Variants in RAD54B observed in about 807,000 individuals in gnomAD.
RAD54B encodes DNA repair and recombination protein RAD54B.
In RAD54B, 78 loss-of-function variants were observed where a neutral mutation model predicts 95.8. The ratio of observed to expected loss-of-function variants is 0.81; its 90% CI spans 0.68 to 0.98. RAD54B has a LOEUF of 0.98. RAD54B is among the 50% of genes least tolerant of loss of function. The probability of loss-of-function intolerance (pLI) is 0.00; values close to 1 mark genes in which losing one functional copy is unlikely to be tolerated. For missense variants in RAD54B, 957 were observed against 1,056.6 expected (o/e 0.91, Z 1.31); for synonymous variants, 328 against 354.9 (o/e 0.92, Z 0.85).
At chr8:94,373,351 G>T (rs947258696) in intron 14 of RAD54B, among the ~76,000 whole-genome samples, 6 of 152,110 alleles carry the variant, frequency 3.9e-5, no homozygotes, top group Non-Finnish European at 7.4e-5. Context: ...TTTCCTCCAG[G>T]GCACTTAGTC....
chr8:94,415,204 A>G (rs906199924), intron 3 of RAD54B, among the ~76,000 whole-genome samples: 11 of 151,786 alleles, frequency 7.2e-5, no homozygotes, highest in Non-Finnish European at 1.2e-4. Flanking sequence ...GCCCTCAGAA[A>G]TAACACCGCA....
chr8:94,423,102 G>A (rs181533609), intron 3 of RAD54B, among the ~76,000 whole-genome samples: 8 of 151,736 alleles, frequency 5.3e-5, no homozygotes, highest in Admixed American at 2.6e-4. Context: ...ACTTGTTACC[G>A]GCCGGGCACG....
At chr8:94,454,671 T>C (rs1381535783) in intron 3 of RAD54B, among the ~76,000 whole-genome samples, 1 of 152,184 alleles carries the variant, frequency 6.6e-6, no homozygotes, top group African/African-American at 2.4e-5. Flanking sequence ...TGGGAAACCT[T>C]CATTTGGCAA....
chr8:94,473,085 C>CA (rs1254766573), intron 1 of RAD54B, among the ~76,000 whole-genome samples: 1 of 152,120 alleles, frequency 6.6e-6, no homozygotes, highest in African/African-American at 2.4e-5. Flanking sequence ...CATTTCCCCC[C>CA]AAAAGACCAT....
intron 3 of RAD54B, among the ~76,000 whole-genome samples, chr8:94,433,861 T>C (rs1440458953): frequency 2.6e-5 from 4 of 151,736 alleles, no homozygotes; most frequent in African/African-American, 9.7e-5. Context: ...ACATGGATGA[T>C]TAAAATGCTG....
intron 3 of RAD54B, among the ~76,000 whole-genome samples, chr8:94,413,840 CTTTTTTTTTTTTTG>C (rs1376169960): frequency 3.8e-5 from 5 of 131,204 alleles, no homozygotes; most frequent in Non-Finnish European, 8.3e-5. Flanking sequence ...TTTTTTTTTT[CTTTTTTTTTTTTTG>C]AGACAGAGTT....
intron 12 of RAD54B, 34 bp downstream of exon 12, chr8:94,380,111 C>A (rs1810696894): frequency 2.6e-6 from 4 of 1,557,056 alleles, no homozygotes; most frequent in South Asian, 1.2e-5. Context: ...CTCAGGCATT[C>A]AATAATATCT....
Position 94,399,543 on chromosome 8 carries a change from G to A in RAD54B, c.1249C>T (p.Leu417=), listed in dbSNP as rs1008052880. ...AATTTTATATTCTTAATTTGATCCA[G>A]GGAACGAAGTAACATTTCATAACTG... ...IISYEMLLRS[L]DQIKNIKFDL... The change falls in exon 8 of 15, where the codon CTG becomes TTG. Residue 417 remains leucine (L), a synonymous_variant. Coordinates refer to ENST00000336148, the MANE Select transcript of RAD54B (RefSeq NM_012415.3). 1 of 1,613,010 alleles carries A rather than the reference G, an allele frequency of 6.2e-7. No individual in the cohort carries two copies. Among genetic ancestry groups the A allele is most frequent in the Middle Eastern group, 1.7e-4 (1 of 6,048 alleles).
At chr8:94,425,061 CA>C (rs71273335) in intron 3 of RAD54B, among the ~76,000 whole-genome samples, 11,840 of 82,210 alleles carry the variant, frequency 0.14, 910 homozygotes, top group East Asian at 0.35. Context: ...GACCCCATCT[CA>C]AAAAAAAAAA....
At position 94,431,374 on chromosome 8, in the gene RAD54B, G is replaced by A. The variant is rs905458319; in HGVS notation, c.305-20059C>T. 24 of 984,348 alleles carry A rather than the reference G, an allele frequency of 2.4e-5. No individual in the cohort carries two copies. The African/African-American group carries it at 3.5e-4, about 14-fold the overall frequency. 61.0% of individuals were successfully genotyped at this position (984,348 alleles called of 1,614,324 possible). Reference sequence around the variant, plus strand: ...GAACAAAAATAGAGAGAGAATGGGGGTAATTGATGTAATTATCCTGATTTC... The same window carrying A: ...GAACAAAAATAGAGAGAGAATGGGGATAATTGATGTAATTATCCTGATTTC... On this transcript the variant is annotated intron_variant, in intron 3 of 14. Transcript: ENST00000336148.
intron 3 of RAD54B, chr8:94,432,030 A>G (rs546699840): frequency 7.2e-7 from 1 of 1,397,064 alleles, no homozygotes; most frequent in East Asian, 2.6e-5. Flanking sequence ...ATAGAGATTA[A>G]CAACATTTTT....
intron 5 of RAD54B, among the ~76,000 whole-genome samples, chr8:94,405,550 T>C (rs756727926): frequency 3.9e-4 from 60 of 152,300 alleles, no homozygotes; most frequent in Admixed American, 1.0e-3. Context: ...ACTTTCATCT[T>C]TGAGGTCAAT....
chr8:94,458,993 AT>A (rs1372085219), intron 2 of RAD54B, among the ~76,000 whole-genome samples: 2 of 152,224 alleles, frequency 1.3e-5, no homozygotes, highest in Non-Finnish European at 2.9e-5. Context: ...ATTATAGTGT[AT>A]TTTAAACATA....
intron 3 of RAD54B, among the ~76,000 whole-genome samples, chr8:94,422,599 AAAAAAAAAAAAAAAAAAAATAT>A (rs1480863824): frequency 5.6e-5 from 5 of 88,712 alleles, no homozygotes; most frequent in African/African-American, 2.9e-4. Context: ...AAAAAAAAAA[AAAAAAAAAAAAAAAAAAAATAT>A]ATATATATAT....
intron 10 of RAD54B, 33 bp downstream of exon 10, chr8:94,391,576 T>C: frequency 6.3e-7 from 1 of 1,591,448 alleles, no homozygotes; most frequent in Non-Finnish European, 8.6e-7. Flanking sequence ...AACCCTCATA[T>C]CCCTGACACA....
At chr8:94,378,669 T>C (rs746311477) in intron 12 of RAD54B, 35 bp from the exon 13 acceptor site, 3 of 1,409,886 alleles carry the variant, frequency 2.1e-6, no homozygotes, top group Admixed American at 2.0e-5. Flanking sequence ...GAGAGTACAG[T>C]AGAAACTAAT....
At position 94,417,083 on chromosome 8, in the gene RAD54B, A is replaced by C. The variant is rs141600780; in HGVS notation, c.305-5768T>G. ...AAGAACAAAGTACTAATACATGCTA[A>C]AACACGGATGAACCCTGAAAACATT... On this transcript the variant is annotated intron_variant, in intron 3 of 14. Transcript: ENST00000336148. 6.7e-3 allele frequency among the ~76,000 whole-genome samples: 1,022 copies of C among 152,340 alleles called. 7 individuals are homozygous for C. The highest frequency in any genetic ancestry group is 0.023 in the African/African-American group (944 of 41,564).
At position 94,393,790 on chromosome 8, in the gene RAD54B, T is replaced by C. The variant is rs966732970; in HGVS notation, c.1471A>G (p.Ile491Val). 1.3e-6 allele frequency: 2 copies of C among 1,585,732 alleles called. No homozygotes were observed. Among genetic ancestry groups the C allele is most frequent in the Non-Finnish European group, 1.7e-6 (2 of 1,155,842 alleles). The stretch of plus-strand genomic sequence containing the variant: ...GATAAAATGATGGGTTCTTCATATA[T>C]TTTCCTATAAGATGACAAAGAGCCT... ...ILGSLSSYRK[I>V]YEEPIILSRE... The change falls in exon 9 of 15, where the codon ATA (isoleucine) becomes GTA (valine). Residue 491 changes from isoleucine to valine, a missense_variant. Ile to Val is a conservative substitution (Grantham distance 29, BLOSUM62 3). Transcript: ENST00000336148.
chr8:94,390,589 T>G lies in RAD54B; in HGVS notation c.1809+1020A>C, dbSNP rs546916771. On this transcript the variant is annotated intron_variant, in intron 10 of 14. Transcript: ENST00000336148. ...ATATATATAGATTATATATAGAGATTTTATATATAATATATATACATATAT... is the reference window on the plus strand; with the variant it reads ...ATATATATAGATTATATATAGAGATGTTATATATAATATATATACATATAT... Among the ~76,000 whole-genome samples, 591 of 148,122 alleles carry G rather than the reference T, an allele frequency of 4.0e-3. 5 individuals carry two copies. Among genetic ancestry groups the G allele is most frequent in the Non-Finnish European group, 6.6e-3 (441 of 67,226 alleles).
Sources: allele counts gnomAD v4.1 joint callset (sites outside exome capture counted in the v4.1 genomes callset), GRCh38; gene constraint gnomAD v4.1.1; transcripts MANE v1.5; gene names NCBI Gene and HGNC (gene_info 2026-07-23, HGNC 2026-07-21).